The following MYZAP variants were observed in gnomAD, a reference collection of about 807,000 sequenced individuals.
MYZAP encodes GRINL1A complex locus upstream.
A neutral mutation model predicts 69.4 loss-of-function variants in MYZAP; 66 were observed. The ratio of observed to expected loss-of-function variants is 0.95; its 90% confidence interval spans 0.78 to 1.17. The LOEUF (loss-of-function observed/expected upper bound fraction) is 1.17, where lower values mean the gene tolerates loss of function less well. Ranked by LOEUF, MYZAP falls within the 50% of genes most tolerant of loss-of-function variation. The probability of loss-of-function intolerance (pLI) is 0.00; values close to 1 mark genes in which losing one functional copy is unlikely to be tolerated. For synonymous variants in MYZAP, 256 were observed against 205.9 expected, an observed-to-expected ratio of 1.24 and a Z score of -2.09; for missense variants, 611 against 556.2, an observed-to-expected ratio of 1.10 and a Z score of -0.99.
At chr15:57,671,231 C>G (rs780227791) in intron 11 of MYZAP, among the ~76,000 whole-genome samples, 14 of 152,040 alleles carry the variant, frequency 9.2e-5, no homozygotes, top group Non-Finnish European at 1.3e-4. Flanking sequence ...TCTCTTGGTA[C>G]TCATTGTTTC....
At chr15:57,653,798 G>A (rs2037845463) in intron 10 of MYZAP, among the ~76,000 whole-genome samples, 1 of 151,562 alleles carries the variant, frequency 6.6e-6, no homozygotes, top group Non-Finnish European at 1.5e-5. Context: ...TGAGGCTGGG[G>A]GTTTGAAAAC....
chr15:57,637,992 G>A (rs1169410579), intron 9 of MYZAP, among the ~76,000 whole-genome samples: 1 of 152,158 alleles, frequency 6.6e-6, no homozygotes, highest in Non-Finnish European at 1.5e-5. Context: ...TAGTGTAGTG[G>A]AACACATCAA....
At chr15:57,610,110 C>A (rs1305150702) in intron 2 of MYZAP, among the ~76,000 whole-genome samples, 1 of 152,128 alleles carries the variant, frequency 6.6e-6, no homozygotes, top group Non-Finnish European at 1.5e-5. Context: ...GAGGCAGATA[C>A]CGTTTTAAAT....
chr15:57,605,830 A>G (rs61997916), intron 2 of MYZAP, among the ~76,000 whole-genome samples: 9,896 of 152,256 alleles, frequency 0.065, 388 homozygotes, highest in Non-Finnish European at 0.098. Flanking sequence ...GGTCCTAGTA[A>G]AGGACCTAGC....
At chr15:57,609,473 A>T (rs1316476871) in intron 2 of MYZAP, among the ~76,000 whole-genome samples, 1 of 152,046 alleles carries the variant, frequency 6.6e-6, no homozygotes, top group African/African-American at 2.4e-5. Flanking sequence ...TGGCATTTTC[A>T]TGTGTCTGTG....
Position 57,618,181 on chromosome 15 carries a change from T to C in MYZAP, c.311T>C (p.Ile104Thr). 1 of 1,613,548 alleles carries C rather than the reference T, an allele frequency of 6.2e-7. No individual in the cohort carries two copies. Among genetic ancestry groups the C allele is most frequent in the East Asian group, 2.2e-5 (1 of 44,886 alleles). Residue 104 changes from isoleucine (I) to threonine (T), a missense_variant, in exon 3 of 13, where the codon ATC (isoleucine) becomes ACC (threonine). By Grantham distance (89) the Ile-to-Thr change is moderately conservative. Coordinates refer to ENST00000267853, the MANE Select transcript of MYZAP (RefSeq NM_001018100.5). ...TSQLKEEMNY[I>T]KDVRATLEKV... ...CAGCTGAAAGAAGAGATGAACTACATCAAAGATGTGAGCCATTTAAGAGTT... is the reference window on the plus strand; with the variant it reads ...CAGCTGAAAGAAGAGATGAACTACACCAAAGATGTGAGCCATTTAAGAGTT...
At chr15:57,600,324 C>T (rs1410201140) in intron 1 of MYZAP, among the ~76,000 whole-genome samples, 1 of 152,232 alleles carries the variant, frequency 6.6e-6, no homozygotes, top group East Asian at 1.9e-4. Context: ...GAGTAAACTT[C>T]AGACAGGGTG....
intron 2 of MYZAP, among the ~76,000 whole-genome samples, chr15:57,616,822 C>CTTTTTTTTTTTT (rs763856721): frequency 0.036 from 1,797 of 50,054 alleles, 287 homozygotes; most frequent in Non-Finnish European, 0.048. Context: ...AAAAAAAGTG[C>CTTTTTTTTTTTT]TTTTTTTTTT....
At chr15:57,634,126 G>T (rs983734228) in intron 8 of MYZAP, among the ~76,000 whole-genome samples, 1 of 152,084 alleles carries the variant, frequency 6.6e-6, no homozygotes, top group Non-Finnish European at 1.5e-5. Context: ...TCCTTGACAC[G>T]CTGGGGACTT....
Position 57,629,752 on chromosome 15 carries a change from C to G in MYZAP, c.576C>G (p.Ile192Met), listed in dbSNP as rs572650003. The G allele has an allele frequency of 1.8e-5, 29 of 1,613,718 alleles. No individual in the cohort carries two copies. Among genetic ancestry groups the G allele is most frequent in the Non-Finnish European group, 2.3e-5 (27 of 1,179,962 alleles). ...AAAACAGCAACATTAAGGATCAAATCAGAAATCTGCAGCAGACGTATGAAG... is the reference window on the plus strand; with the variant it reads ...AAAACAGCAACATTAAGGATCAAATGAGAAATCTGCAGCAGACGTATGAAG... ...TLENSNIKDQ[I>M]RNLQQTYEAS... is the part of the protein sequence containing the mutation. Residue 192 changes from isoleucine (I) to methionine (M), a missense_variant, in exon 6 of 13, where the codon ATC (isoleucine) becomes ATG (methionine). Coordinates refer to ENST00000267853, the MANE Select transcript of MYZAP (RefSeq NM_001018100.5).
At chr15:57,620,692 C>T (rs1262038613) in intron 3 of MYZAP, among the ~76,000 whole-genome samples, 1 of 152,154 alleles carries the variant, frequency 6.6e-6, no homozygotes, top group East Asian at 1.9e-4. Context: ...TTTATGGGCT[C>T]CCCAGGGTTC....
chr15:57,603,311 C>CT (rs11383185), intron 1 of MYZAP, among the ~76,000 whole-genome samples: 44,940 of 149,952 alleles, frequency 0.3, 6,811 homozygotes, highest in East Asian at 0.37. Flanking sequence ...GCAGGGACAG[C>CT]TTTTTTTTTT....
At chr15:57,593,190 A>ATGCGCGCGCGCGCGCGCGAGCG (rs376306761) in intron 1 of MYZAP, among the ~76,000 whole-genome samples, 1 of 108,256 alleles carries the variant, frequency 9.2e-6, no homozygotes. Flanking sequence ...ACACAGGCGC[A>ATGCGCGCGCGCGCGCGCGAGCG]CACACACACA....
At chr15:57,640,171 G>A (rs1053784158) in intron 10 of MYZAP, among the ~76,000 whole-genome samples, 1 of 152,122 alleles carries the variant, frequency 6.6e-6, no homozygotes, top group Non-Finnish European at 1.5e-5. Flanking sequence ...ATGAGAAAAC[G>A]GGTAAGTTGA....
chr15:57,673,897 A>G (rs1232326525), intron 11 of MYZAP, among the ~76,000 whole-genome samples: 1 of 152,204 alleles, frequency 6.6e-6, no homozygotes, highest in Admixed American at 6.5e-5. Flanking sequence ...AAATGGTTTC[A>G]TTTCTAGTTA....
At chr15:57,594,801 G>A (rs1238109780) in intron 1 of MYZAP, among the ~76,000 whole-genome samples, 1 of 152,210 alleles carries the variant, frequency 6.6e-6, no homozygotes, top group East Asian at 1.9e-4. Flanking sequence ...GTTTAGAAAA[G>A]CAGGAACGGG....
chr15:57,666,214 G>A (rs2038562689), intron 11 of MYZAP, among the ~76,000 whole-genome samples: 1 of 152,124 alleles, frequency 6.6e-6, no homozygotes, highest in Non-Finnish European at 1.5e-5. Context: ...TTTAAAAAAG[G>A]GAGAAGGCTT....
chr15:57,648,319 T>G lies in MYZAP; in HGVS notation c.1119+8774T>G, dbSNP rs1017828241. On this transcript the variant is annotated intron_variant, in intron 10 of 12. Coordinates refer to ENST00000267853, the MANE Select transcript of MYZAP (RefSeq NM_001018100.5). ...AGGATATTTTCTTTGGAAATGTCAT[T>G]GAATCTATGTTCTCTTTATTGAAAT... 7 of 985,348 alleles carry G rather than the reference T, an allele frequency of 7.1e-6. No homozygotes were observed. The East Asian group carries it at 7.9e-4, about 112-fold the overall frequency. The allele number at this position is 985,348 out of a possible 1,614,324, so 61.0% of individuals were successfully genotyped here. A position where few individuals can be genotyped will look rare whatever the true frequency, so the allele number is the denominator to read the frequency against.
chr15:57,634,722 C>T (rs1231714452), intron 8 of MYZAP, among the ~76,000 whole-genome samples: 1 of 152,200 alleles, frequency 6.6e-6, no homozygotes, highest in Non-Finnish European at 1.5e-5. Context: ...CTGGGTGCTT[C>T]GTTTTAGCTC....
Sources: gnomAD v4.1 joint callset for allele counts (sites outside exome capture counted in the v4.1 genomes callset) on GRCh38, gnomAD v4.1.1 for gene constraint, MANE v1.5 for transcripts, NCBI Gene and HGNC (gene_info 2026-07-23, HGNC 2026-07-21) for gene names.